KCNMA1: variants seen among roughly 807,000 people sequenced by gnomAD.
KCNMA1 encodes potassium calcium-activated channel subfamily M alpha 1.
Under a neutral mutation model 140.0 loss-of-function variants are expected in KCNMA1, and 29 were observed. The observed-to-expected ratio is 0.21, with a 90% CI of 0.15 to 0.28. The LOEUF (loss-of-function observed/expected upper bound fraction) is 0.28, where lower values mean the gene tolerates loss of function less well. Ranked by LOEUF, KCNMA1 falls within the 10% of genes least tolerant of loss-of-function variation. The probability of loss-of-function intolerance (pLI) is 1.00; values close to 1 mark genes in which losing one functional copy is unlikely to be tolerated. For synonymous variants in KCNMA1, 612 were observed against 611.9 expected, an observed-to-expected ratio of 1.00 and a Z score of 0.00; for missense variants, 880 against 1,602.2, an observed-to-expected ratio of 0.55 and a Z score of 7.70.
At chr10:77,541,551 C>T (rs190648698) in intron 1 of KCNMA1, among the ~76,000 whole-genome samples, 5 of 152,082 alleles carry the variant, frequency 3.3e-5, no homozygotes. Context: ...TACTCCAAAG[C>T]CCATTCTTGA....
chr10:77,141,680 T>C (rs971791444), intron 5 of KCNMA1, among the ~76,000 whole-genome samples: 6 of 152,160 alleles, frequency 3.9e-5, no homozygotes, highest in Non-Finnish European at 8.8e-5. Context: ...AAGTCTCCCT[T>C]CCCAGGGTAC....
At chr10:77,053,125 G>A (rs906304223) in intron 14 of KCNMA1, among the ~76,000 whole-genome samples, 1 of 152,062 alleles carries the variant, frequency 6.6e-6, no homozygotes, top group Non-Finnish European at 1.5e-5. Context: ...AAGAGGGAGA[G>A]GACTTGCTAT....
intron 1 of KCNMA1, among the ~76,000 whole-genome samples, chr10:77,430,438 G>A (rs934675673): frequency 6.6e-6 from 1 of 152,112 alleles, no homozygotes; most frequent in Non-Finnish European, 1.5e-5. Flanking sequence ...AAAAGCACAG[G>A]CCACAGAGTC....
intron 23 of KCNMA1, among the ~76,000 whole-genome samples, chr10:76,929,038 C>G (rs1170452548): frequency 6.6e-6 from 1 of 152,076 alleles, no homozygotes; most frequent in Non-Finnish European, 1.5e-5. Context: ...ATGGTATATA[C>G]TTAATGCTCA....
chr10:76,886,030 C>T lies in KCNMA1; in HGVS notation c.*1236G>A. 1.0e-6 allele frequency: 1 copy of T among 985,408 alleles called. No individual in the cohort carries two copies. The highest frequency in any genetic ancestry group is 1.2e-6 in the Non-Finnish European group (1 of 829,944). The allele number at this position is 985,408 out of a possible 1,614,324, so 61.0% of individuals were successfully genotyped here. A position where few individuals can be genotyped will look rare whatever the true frequency, so the allele number is the denominator to read the frequency against. On this transcript the variant is annotated 3_prime_UTR_variant, in exon 28 of 28. Transcript: ENST00000286628. ...TTCCCACCAGCTTTCTGCATTGGGACAGCCAGCACCGCACAGCTGTGCCAA... is the reference window on the plus strand; with the variant it reads ...TTCCCACCAGCTTTCTGCATTGGGATAGCCAGCACCGCACAGCTGTGCCAA...
intron 1 of KCNMA1, among the ~76,000 whole-genome samples, chr10:77,473,951 G>C (rs930176517): frequency 2.0e-5 from 3 of 152,166 alleles, no homozygotes; most frequent in African/African-American, 7.2e-5. Context: ...GCCTCGCTGC[G>C]TTCTGAACAG....
chr10:77,259,750 C>T (rs1198363376), intron 2 of KCNMA1, among the ~76,000 whole-genome samples: 4 of 152,192 alleles, frequency 2.6e-5, no homozygotes, highest in Non-Finnish European at 4.4e-5. Flanking sequence ...ACTTCCCTGC[C>T]CACAGGTATT....
chr10:77,489,827 T>A (rs1216027955), intron 1 of KCNMA1, among the ~76,000 whole-genome samples: 4 of 152,246 alleles, frequency 2.6e-5, no homozygotes, highest in Non-Finnish European at 5.9e-5. Flanking sequence ...GATGACAGTA[T>A]CAAGGTTCTG....
intron 2 of KCNMA1, among the ~76,000 whole-genome samples, chr10:77,374,733 G>A (rs2094959290): frequency 6.6e-6 from 1 of 152,094 alleles, no homozygotes; most frequent in Non-Finnish European, 1.5e-5. Flanking sequence ...TAGGTAGGAG[G>A]GAATACAAAC....
At chr10:77,087,057 A>G (rs1323412928) in intron 10 of KCNMA1, among the ~76,000 whole-genome samples, 2 of 152,208 alleles carry the variant, frequency 1.3e-5, no homozygotes, top group Non-Finnish European at 2.9e-5. Context: ...AGTGGGCATC[A>G]TCCAGTCCTT....
intron 2 of KCNMA1, among the ~76,000 whole-genome samples, chr10:77,286,779 G>T (rs1321881567): frequency 6.6e-5 from 5 of 75,992 alleles, no homozygotes; most frequent in African/African-American, 1.5e-4. Context: ...GGGGGGGGGG[G>T]GGGTTCCATT....
intron 1 of KCNMA1, among the ~76,000 whole-genome samples, chr10:77,567,290 C>G (rs1567592448): frequency 6.6e-6 from 1 of 152,242 alleles, no homozygotes; most frequent in Non-Finnish European, 1.5e-5. Context: ...ATTCAGGCCC[C>G]TCTTAAAATC....
intron 1 of KCNMA1, among the ~76,000 whole-genome samples, chr10:77,536,750 T>C (rs1024540208): frequency 2.6e-5 from 4 of 152,190 alleles, no homozygotes; most frequent in African/African-American, 9.7e-5. Flanking sequence ...AGTCATTGAC[T>C]AAATTTTAAA....
chr10:76,909,985 A>T lies in KCNMA1; in HGVS notation c.3128T>A (p.Leu1043Gln), dbSNP rs755338220. 1 of 1,613,926 alleles carries T rather than the reference A, an allele frequency of 6.2e-7. No homozygotes were observed. The highest frequency in any genetic ancestry group is 8.5e-7 in the Non-Finnish European group (1 of 1,179,954). ...ACGTAFAVSV[L>Q]DSLMSATYFN... is the part of the protein sequence containing the mutation. ...ACTCACCGCGCTCATGAGTGAGTCC[A>T]GGACACTGACGGCAAATGCTGTCCC... Residue 1043 changes from leucine (L) to glutamine (Q), a missense_variant, in exon 25 of 28, where the codon CTG (leucine) becomes CAG (glutamine). Physicochemically the swap from Leu to Gln is moderately radical, Grantham distance 113. This residue lies in a region of KCNMA1 where 18 missense variants were observed against 51.3 expected (regional missense o/e 0.35). Transcript: ENST00000286628.
rs554202855 is a variant in KCNMA1 at position 77,244,648 on chromosome 10, T to C, written c.602+6547A>G. Among the ~76,000 whole-genome samples, 19 of 152,294 alleles carry C rather than the reference T, an allele frequency of 1.2e-4. No homozygotes were observed. The East Asian group carries it at 3.3e-3, about 26-fold the overall frequency. ...AGGACATATAAAGAAGTTGACTCTG[T>C]TCCTTGGCATACTCTCCACCTGTCT... On this transcript the variant is annotated intron_variant, in intron 3 of 27. Transcript: ENST00000286628.
intron 13 of KCNMA1, among the ~76,000 whole-genome samples, chr10:77,076,000 C>T (rs545469218): frequency 2.0e-5 from 3 of 152,162 alleles, no homozygotes; most frequent in Admixed American, 1.3e-4. Flanking sequence ...ACCCCTCCCT[C>T]CTCTCATGGA....
chr10:77,452,370 C>A (rs1337889824), intron 1 of KCNMA1, among the ~76,000 whole-genome samples: 1 of 152,124 alleles, frequency 6.6e-6, no homozygotes, highest in African/African-American at 2.4e-5. Context: ...CTAGATGGAG[C>A]TGGGAATGGG....
chr10:77,291,896 G>T (rs1376246297), intron 2 of KCNMA1, among the ~76,000 whole-genome samples: 1 of 152,174 alleles, frequency 6.6e-6, no homozygotes, highest in East Asian at 1.9e-4. Context: ...CACCAGTTAA[G>T]GATCACTAGG....
chr10:77,007,643 T>TTGTGTGTGTG (rs148322931), intron 18 of KCNMA1, among the ~76,000 whole-genome samples: 3 of 79,476 alleles, frequency 3.8e-5, no homozygotes, highest in Non-Finnish European at 5.0e-5. Context: ...ATGGTACATA[T>TTGTGTGTGTG]TGTGTGTGTG....
Sources: gnomAD v4.1 joint callset for allele counts (sites outside exome capture counted in the v4.1 genomes callset) on GRCh38, gnomAD v4.1.1 for gene constraint, gnomAD v4.1.1 regional missense constraint, MANE v1.5 for transcripts, NCBI Gene and HGNC (gene_info 2026-07-23, HGNC 2026-07-21) for gene names.